Variants in DMTN observed in about 807,000 individuals in gnomAD.
DMTN encodes dematin.
A neutral mutation model predicts 59.4 loss-of-function variants in DMTN; 27 were observed. The observed-to-expected ratio is 0.45, with a 90% CI of 0.33 to 0.63. The LOEUF (loss-of-function observed/expected upper bound fraction) is 0.63, where lower values mean the gene tolerates loss of function less well. DMTN is among the 20% of genes least tolerant of loss of function. The pLI is 0.02. For missense variants in DMTN, 451 were observed against 528.9 expected, an observed-to-expected ratio of 0.85 and a Z score of 1.45; for synonymous variants, 221 against 203.7, an observed-to-expected ratio of 1.08 and a Z score of -0.72.
upstream of DMTN, among the ~76,000 whole-genome samples, chr8:22,052,879 C>T (rs1012732557): frequency 2.0e-5 from 3 of 152,120 alleles, no homozygotes; most frequent in South Asian, 2.1e-4. Flanking sequence ...AGGCCATTCA[C>T]GGTCTCACAG....
intron 8 of DMTN, among the ~76,000 whole-genome samples, chr8:22,070,584 A>C (rs1443185069): frequency 1.3e-5 from 2 of 152,278 alleles, no homozygotes; most frequent in African/African-American, 4.8e-5. Context: ...GACTCAACAG[A>C]CATGTATCAA....
At chr8:22,049,439 T>G (rs1048297091), upstream of DMTN, among the ~76,000 whole-genome samples, 4 of 151,742 alleles carry the variant, frequency 2.6e-5, no homozygotes, top group African/African-American at 9.7e-5. Context: ...CCACCCCAGC[T>G]TCTCCGGTGG....
At chr8:22,070,624 G>A (rs1219249492) in intron 8 of DMTN, among the ~76,000 whole-genome samples, 1 of 152,214 alleles carries the variant, frequency 6.6e-6, no homozygotes, top group Non-Finnish European at 1.5e-5. Flanking sequence ...TGTGAGGGGA[G>A]CACTGGGAAA....
chr8:22,052,126 G>A (rs574833766), upstream of DMTN, among the ~76,000 whole-genome samples: 23 of 152,274 alleles, frequency 1.5e-4, no homozygotes, highest in Non-Finnish European at 1.5e-4. Flanking sequence ...GCACTACCCC[G>A]GGATGAGCGA....
chr8:22,068,049 A>G (rs749526339), intron 4 of DMTN, among the ~76,000 whole-genome samples: 4 of 152,188 alleles, frequency 2.6e-5, no homozygotes, highest in Non-Finnish European at 5.9e-5. Flanking sequence ...AATAGAGGTG[A>G]CCTTTCTGCC....
chr8:22,051,697 C>T (rs1278825338), upstream of DMTN, among the ~76,000 whole-genome samples: 4 of 152,180 alleles, frequency 2.6e-5, no homozygotes, highest in Non-Finnish European at 4.4e-5. Context: ...CCTCCTTGCG[C>T]GTGACTGCTC....
In DMTN at chr8:22,066,729, G is replaced by GGGGGCCGCTTGGGAGTCC; in HGVS notation, c.-147_-146insGGGGCCGCTTGGGAGTCC. 1 of 858,936 alleles carries GGGGGCCGCTTGGGAGTCC rather than the reference G, an allele frequency of 1.2e-6. No homozygotes were observed. Among genetic ancestry groups the GGGGGCCGCTTGGGAGTCC allele is most frequent in the Non-Finnish European group, 1.6e-6 (1 of 644,880 alleles). 53.2% of individuals were successfully genotyped at this position (858,936 alleles called of 1,614,324 possible). A position where few individuals can be genotyped will look rare whatever the true frequency, so the allele number is the denominator to read the frequency against. The stretch of plus-strand genomic sequence containing the variant: ...GCCTGGAGAGTCACCGCCGAGGGAT[G>GGGGGCCGCTTGGGAGTCC]AGGACGCGCCAGCCCGGGGGAACGC... On this transcript the variant is annotated 5_prime_UTR_variant, in exon 2 of 16. Coordinates refer to ENST00000358242, the MANE Select transcript of DMTN (RefSeq NM_001387751.1).
chr8:22,064,416 G>A (rs955693531), intron 1 of DMTN, among the ~76,000 whole-genome samples: 1 of 152,132 alleles, frequency 6.6e-6, no homozygotes, highest in African/African-American at 2.4e-5. Flanking sequence ...TTCCAGAATG[G>A]AGTCTTTCCA....
chr8:22,064,757 C>T (rs1263897593), intron 1 of DMTN, among the ~76,000 whole-genome samples: 1 of 152,172 alleles, frequency 6.6e-6, no homozygotes, highest in Non-Finnish European at 1.5e-5. Context: ...CGCGCCCGGC[C>T]TGCCAGAGTC....
upstream of DMTN, among the ~76,000 whole-genome samples, chr8:22,051,235 C>T (rs192003920): frequency 2.6e-5 from 4 of 152,290 alleles, no homozygotes; most frequent in East Asian, 3.9e-4. Flanking sequence ...TCAAGTCTCA[C>T]GCCAGTTTGG....
intron 10 of DMTN, among the ~76,000 whole-genome samples, chr8:22,079,292 A>ATATATG (rs1554562505): frequency 1.4e-5 from 1 of 73,476 alleles, no homozygotes; most frequent in Non-Finnish European, 2.6e-5. Context: ...ATATATATAT[A>ATATATG]TATATATATT....
intron 1 of DMTN, among the ~76,000 whole-genome samples, chr8:22,065,641 A>G (rs1431549165): frequency 6.6e-6 from 1 of 151,934 alleles, no homozygotes; most frequent in Admixed American, 6.6e-5. Context: ...TCAGGAGTTC[A>G]GGACCAGCCT....
At position 22,069,077 on chromosome 8, in the gene DMTN, C is replaced by T. The variant is rs764449397; in HGVS notation, c.294+17C>T. On this transcript the variant is annotated intron_variant, in intron 5 of 15. Transcript: ENST00000358242. Reference sequence around the variant, plus strand: ...TCCCCAGAGGTGAGTCTGCCCCACACCTGCAACTTGCCCTGCCCTGCCCTG... The same window carrying T: ...TCCCCAGAGGTGAGTCTGCCCCACATCTGCAACTTGCCCTGCCCTGCCCTG... 2 of 1,610,366 alleles carry T rather than the reference C, an allele frequency of 1.2e-6. No homozygotes were observed. The highest frequency in any genetic ancestry group is 1.1e-5 in the South Asian group (1 of 90,658).
chr8:22,080,302 T>C, intron 11 of DMTN, 58 bp downstream of exon 11: 11 of 1,613,442 alleles, frequency 6.8e-6, no homozygotes, highest in South Asian at 1.1e-5. Flanking sequence ...TGTGGGGTGC[T>C]GAGGGACTGA....
chr8:22,069,329 G>A, intron 5 of DMTN, 90 bp from the exon 6 acceptor site: 1 of 1,166,980 alleles, frequency 8.6e-7, no homozygotes, highest in Non-Finnish European at 1.2e-6. Flanking sequence ...GCCAGGATGG[G>A]AGGACAGAGA....
intron 1 of DMTN, among the ~76,000 whole-genome samples, chr8:22,061,101 A>G (rs116294933): frequency 0.021 from 3,163 of 150,562 alleles, 105 homozygotes; most frequent in African/African-American, 0.076. Context: ...GGGAGACCCC[A>G]TCTTTACAAA....
chr8:22,079,302 T>TATATATATGTATATATATA (rs1491109949), intron 10 of DMTN, among the ~76,000 whole-genome samples: 10 of 15,536 alleles, frequency 6.4e-4, no homozygotes, highest in Non-Finnish European at 1.3e-3. Context: ...ATATATATAT[T>TATATATATGTATATATATA]AGCTGGGTTT....
At chr8:22,049,427 C>A (rs774883720), upstream of DMTN, among the ~76,000 whole-genome samples, 8 of 151,854 alleles carry the variant, frequency 5.3e-5, no homozygotes, top group Non-Finnish European at 1.0e-4. Flanking sequence ...GCGGCCTTGC[C>A]CCCACCCCAG....
At chr8:22,079,302 T>TATATATATATATAAATA (rs1491109949) in intron 10 of DMTN, among the ~76,000 whole-genome samples, 1 of 15,528 alleles carries the variant, frequency 6.4e-5, no homozygotes, top group African/African-American at 1.2e-4. Flanking sequence ...ATATATATAT[T>TATATATATATATAAATA]AGCTGGGTTT....
Sources: allele counts gnomAD v4.1 joint callset (sites outside exome capture counted in the v4.1 genomes callset), GRCh38; gene constraint gnomAD v4.1.1; transcripts MANE v1.5; gene names NCBI Gene and HGNC (gene_info 2026-07-23, HGNC 2026-07-21).